The following ATP6V1G2 variants were observed in gnomAD, a reference collection of about 807,000 sequenced individuals.
ATP6V1G2 encodes ATPase H+ transporting V1 subunit G2.
ATP6V1G2 carries 14 observed loss-of-function variants against 17.8 expected under a neutral mutation model. That is an observed-to-expected ratio of 0.79 (90% CI 0.52 to 1.23). The LOEUF is 1.23. Ranked by LOEUF, ATP6V1G2 falls within the 50% of genes most tolerant of loss-of-function variation. ATP6V1G2 has a pLI of 0.00. For missense variants in ATP6V1G2, 112 were observed against 152.2 expected, an observed-to-expected ratio of 0.74 and a Z score of 1.39; for synonymous variants, 57 against 54.8, an observed-to-expected ratio of 1.04 and a Z score of -0.17.
At position 31,546,222 on chromosome 6, in the gene ATP6V1G2, G is replaced by C; in HGVS notation, c.83-13C>G. On this transcript the variant is annotated splice_polypyrimidine_tract_variant and intron_variant, in intron 1 of 2. Transcript: ENST00000303892. The surrounding 1 kb of genome is among the most constrained non-coding windows in gnomAD (Gnocchi z 4.1). The stretch of plus-strand genomic sequence containing the variant: ...CGCCGGGCCTTCCCTGGAGGCAGAA[G>C]AAAGGACAGTGAGTGGGGATGGACC... 3 of 1,612,492 alleles carry C rather than the reference G, an allele frequency of 1.9e-6. No individual in the cohort carries two copies. The highest frequency in any genetic ancestry group is 2.5e-6 in the Non-Finnish European group (3 of 1,178,946).
At position 31,545,482 on chromosome 6, in the gene ATP6V1G2, C is replaced by T. The variant is rs375698880; in HGVS notation, c.283G>A (p.Val95Ile). The T allele has an allele frequency of 1.9e-6, 3 of 1,613,936 alleles. No individual in the cohort carries two copies. The highest frequency in any genetic ancestry group is 2.5e-6 in the Non-Finnish European group (3 of 1,180,000). Reference protein sequence around the residue: ...QSSQQRNRERVLAQLLGMVCD... With the variant: ...QSSQQRNRERILAQLLGMVCD... ...ACCATGCCAAGAAGCTGGGCCAGGACACGCTCTCGGTTTCTCTGCTGGGAG... is the reference window on the plus strand; with the variant it reads ...ACCATGCCAAGAAGCTGGGCCAGGATACGCTCTCGGTTTCTCTGCTGGGAG... Residue 95 changes from valine (V) to isoleucine (I), a missense_variant, in exon 3 of 3, where the codon GTC becomes ATC. By Grantham distance (29) the Val-to-Ile change is conservative (BLOSUM62 3). Coordinates refer to ENST00000303892, the MANE Select transcript of ATP6V1G2 (RefSeq NM_130463.4). This position sits in a 1 kb window ranked among gnomAD's most constrained non-coding sequence, Gnocchi z 4.9.
rs1020751061 is a variant in ATP6V1G2, at chr6:31,544,908, A to G, written c.*500T>C. ...GTGGTAATAGTATCACAGGGTTGCT[A>G]CTTACTGAATCACTGCTACAACATG... On this transcript the variant is annotated 3_prime_UTR_variant, in exon 3 of 3. Coordinates refer to ENST00000303892, the MANE Select transcript of ATP6V1G2 (RefSeq NM_130463.4). The G allele has an allele frequency of 7.8e-6, 3 of 386,802 alleles. No individual in the cohort carries two copies. The highest frequency in any genetic ancestry group is 3.7e-4 in the Middle Eastern group (1 of 2,724). The allele number at this position is 386,802 out of a possible 1,614,324, so 24.0% of individuals were successfully genotyped here. A position where few individuals can be genotyped will look rare whatever the true frequency, so the allele number is the denominator to read the frequency against.
chr6:31,545,132 T>C lies in ATP6V1G2; in HGVS notation c.*276A>G. ...CGGCCAGACACTGAAGTCAGGATGT[T>C]TTCCACATTCCTACTTCCCCATATT... On this transcript the variant is annotated 3_prime_UTR_variant, in exon 3 of 3. Transcript: ENST00000303892. This position sits in a 1 kb window ranked among gnomAD's most constrained non-coding sequence, Gnocchi z 4.9. 1.8e-6 allele frequency: 1 copy of C among 550,822 alleles called. No homozygotes were observed. The highest frequency in any genetic ancestry group is 3.2e-6 in the Non-Finnish European group (1 of 311,530). 34.1% of individuals were successfully genotyped at this position (550,822 alleles called of 1,614,324 possible).
chr6:31,546,242 TGGA>T lies in ATP6V1G2; in HGVS notation c.83-36_83-34del. ...CAGAAGAAAGGACAGTGAGTGGGGA[TGGA>T]CCCACACACACACAATGTAATAGCA... On this transcript the variant is annotated intron_variant, in intron 1 of 2. Transcript: ENST00000303892. This position sits in a 1 kb window ranked among gnomAD's most constrained non-coding sequence, Gnocchi z 4.1. The T allele has an allele frequency of 6.4e-7, 1 of 1,567,768 alleles. No individual in the cohort carries two copies. The highest frequency in any genetic ancestry group is 8.8e-7 in the Non-Finnish European group (1 of 1,138,916).
In ATP6V1G2 at chr6:31,545,685, G is replaced by A; in HGVS notation, c.184-104C>T. ...ATCCTGAAACAAAGCCTAGAAGAAAGGCCCTCTCAGAAACCACCCCCATCC... is the reference window on the plus strand; with the variant it reads ...ATCCTGAAACAAAGCCTAGAAGAAAAGCCCTCTCAGAAACCACCCCCATCC... On this transcript the variant is annotated intron_variant, in intron 2 of 2. Coordinates refer to ENST00000303892, the MANE Select transcript of ATP6V1G2 (RefSeq NM_130463.4). This position sits in a 1 kb window ranked among gnomAD's most constrained non-coding sequence, Gnocchi z 4.9. 3.1e-6 allele frequency: 4 copies of A among 1,305,230 alleles called. No individual in the cohort carries two copies. The highest frequency in any genetic ancestry group is 4.1e-6 in the Non-Finnish European group (4 of 969,628). The allele number at this position is 1,305,230 out of a possible 1,614,324, so 80.9% of individuals were successfully genotyped here.
rs1768836588 is a variant in ATP6V1G2 at position 31,544,837 on chromosome 6, T to G, written c.*571A>C. 2 of 453,270 alleles carry G rather than the reference T, an allele frequency of 4.4e-6. No individual in the cohort carries two copies. The highest frequency in any genetic ancestry group is 4.8e-5 in the Admixed American group (2 of 41,794). 28.1% of individuals were successfully genotyped at this position (453,270 alleles called of 1,614,324 possible). A position where few individuals can be genotyped will look rare whatever the true frequency, so the allele number is the denominator to read the frequency against. On this transcript the variant is annotated 3_prime_UTR_variant, in exon 3 of 3. Transcript: ENST00000303892. ...ACAAGTGGAATTAGAGAGCCAGTGA[T>G]GGACGTGAGGAAACAGCTGTGTAGG... is the stretch of plus-strand genomic sequence containing the variant.
chr6:31,545,974 T>G lies in ATP6V1G2; in HGVS notation c.183+135A>C. On this transcript the variant is annotated intron_variant, in intron 2 of 2. Transcript: ENST00000303892. This position sits in a 1 kb window ranked among gnomAD's most constrained non-coding sequence, Gnocchi z 4.9. ...ATATCATCACAAAGTTTCACCAATG[T>G]TGTGGTCCCTGCCAGGGTCCCCTCA... 1.2e-6 allele frequency: 1 copy of G among 828,386 alleles called. No individual in the cohort carries two copies. Among genetic ancestry groups the G allele is most frequent in the Non-Finnish European group, 2.0e-6 (1 of 493,186 alleles). 51.3% of individuals were successfully genotyped at this position (828,386 alleles called of 1,614,324 possible). A position where few individuals can be genotyped will look rare whatever the true frequency, so the allele number is the denominator to read the frequency against.
Position 31,545,372 on chromosome 6 carries a change from G to T in ATP6V1G2, c.*36C>A. On this transcript the variant is annotated 3_prime_UTR_variant, in exon 3 of 3. Coordinates refer to ENST00000303892, the MANE Select transcript of ATP6V1G2 (RefSeq NM_130463.4). This position sits in a 1 kb window ranked among gnomAD's most constrained non-coding sequence, Gnocchi z 4.9. ...TTGATTGGAGGATTTCTTTGAGGGA[G>T]GGAACTGGCAGAAGGAGTCAGGCCC... 6.3e-7 allele frequency: 1 copy of T among 1,597,334 alleles called. No individual in the cohort carries two copies.
Position 31,545,214 on chromosome 6 carries a change from G to A in ATP6V1G2, c.*194C>T. Reference sequence around the variant, plus strand: ...ACTTGGAAGTTTACAAAGTCCCAGTGAGGGTTAAAGAACAACAAGGAGATT... The same window carrying A: ...ACTTGGAAGTTTACAAAGTCCCAGTAAGGGTTAAAGAACAACAAGGAGATT... On this transcript the variant is annotated 3_prime_UTR_variant, in exon 3 of 3. Coordinates refer to ENST00000303892, the MANE Select transcript of ATP6V1G2 (RefSeq NM_130463.4). The surrounding 1 kb of genome is among the most constrained non-coding windows in gnomAD (Gnocchi z 4.9). 2 of 687,948 alleles carry A rather than the reference G, an allele frequency of 2.9e-6. No individual in the cohort carries two copies. The highest frequency in any genetic ancestry group is 4.8e-6 in the Non-Finnish European group (2 of 417,578). The allele number at this position is 687,948 out of a possible 1,614,324, so 42.6% of individuals were successfully genotyped here.
At position 31,546,282 on chromosome 6, in the gene ATP6V1G2, C is replaced by T; in HGVS notation, c.83-73G>A. ...ACAATGTAATAGCAGGAGTCAGTCC[C>T]TTCCAGAAAGTTATACAGCCTTCTC... On this transcript the variant is annotated intron_variant, in intron 1 of 2. Transcript: ENST00000303892. The surrounding 1 kb of genome is among the most constrained non-coding windows in gnomAD (Gnocchi z 4.1). 1 of 1,470,166 alleles carries T rather than the reference C, an allele frequency of 6.8e-7. No homozygotes were observed. The highest frequency in any genetic ancestry group is 9.5e-7 in the Non-Finnish European group (1 of 1,054,268). 91.1% of individuals were successfully genotyped at this position (1,470,166 alleles called of 1,614,324 possible).
In ATP6V1G2 at chr6:31,545,605, A is replaced by T. The variant is rs766845005; in HGVS notation, c.184-24T>A. 2 of 1,609,368 alleles carry T rather than the reference A, an allele frequency of 1.2e-6. No homozygotes were observed. Among genetic ancestry groups the T allele is most frequent in the Non-Finnish European group, 1.7e-6 (2 of 1,178,008 alleles). ...GCCTGGGGGGTAGGGAGAGGGGTGGAAGAGAGAAAGGGAAAAGCAGAAACA... is the reference window on the plus strand; with the variant it reads ...GCCTGGGGGGTAGGGAGAGGGGTGGTAGAGAGAAAGGGAAAAGCAGAAACA... On this transcript the variant is annotated intron_variant, in intron 2 of 2. Coordinates refer to ENST00000303892, the MANE Select transcript of ATP6V1G2 (RefSeq NM_130463.4). This position sits in a 1 kb window ranked among gnomAD's most constrained non-coding sequence, Gnocchi z 4.9.
rs1562436942 is a variant in ATP6V1G2, at chr6:31,544,675, GGCTACAAAATGCAGT to G, written c.*718_*732del. The G allele has an allele frequency of 6.6e-6, 3 of 454,664 alleles. No individual in the cohort carries two copies. Among genetic ancestry groups the G allele is most frequent in the Non-Finnish European group, 8.8e-6 (2 of 226,356 alleles). 28.2% of individuals were successfully genotyped at this position (454,664 alleles called of 1,614,324 possible). The stretch of plus-strand genomic sequence containing the variant: ...GATCAGCAAAAGAAAAACAAAGAGA[GGCTACAAAATGCAGT>G]TATCTACCTGGAATTATAAGAGAGG... On this transcript the variant is annotated 3_prime_UTR_variant, in exon 3 of 3. Transcript: ENST00000303892.
Position 31,545,825 on chromosome 6 carries a change from C to G in ATP6V1G2, c.184-244G>C. ...ATCCCCACCACCTCACCATCCATGA[C>G]CATAAAACTCTACCCTCCACCACAA... On this transcript the variant is annotated intron_variant, in intron 2 of 2. Coordinates refer to ENST00000303892, the MANE Select transcript of ATP6V1G2 (RefSeq NM_130463.4). The surrounding 1 kb of genome is among the most constrained non-coding windows in gnomAD (Gnocchi z 4.9). 1.6e-6 allele frequency: 1 copy of G among 614,186 alleles called. No individual in the cohort carries two copies. Among genetic ancestry groups the G allele is most frequent in the Non-Finnish European group, 2.9e-6 (1 of 348,798 alleles). The allele number at this position is 614,186 out of a possible 1,614,324, so 38.0% of individuals were successfully genotyped here.
rs1768946297 is a variant in ATP6V1G2 at position 31,545,912 on chromosome 6, G to A, written c.183+197C>T. ...ACAGACTGTGGCATTCCGCCCACAA[G>A]CTCTATGTGGCCTTCAAAACTCCCA... On this transcript the variant is annotated intron_variant, in intron 2 of 2. Coordinates refer to ENST00000303892, the MANE Select transcript of ATP6V1G2 (RefSeq NM_130463.4). The surrounding 1 kb of genome is among the most constrained non-coding windows in gnomAD (Gnocchi z 4.9). The A allele has an allele frequency of 1.6e-6, 1 of 628,090 alleles. No individual in the cohort carries two copies. Among genetic ancestry groups the A allele is most frequent in the African/African-American group, 1.8e-5 (1 of 54,460 alleles). 38.9% of individuals were successfully genotyped at this position (628,090 alleles called of 1,614,324 possible).
Position 31,546,117 on chromosome 6 carries a change from G to C in ATP6V1G2, c.175C>G (p.Gln59Glu), listed in dbSNP as rs1267473375. 6.2e-7 allele frequency: 1 copy of C among 1,613,756 alleles called. No homozygotes were observed. Among genetic ancestry groups the C allele is most frequent in the Non-Finnish European group, 8.5e-7 (1 of 1,180,010 alleles). Residue 59 changes from glutamine to glutamate, a missense_variant, in exon 2 of 3, where the codon CAG becomes GAG. Transcript: ENST00000303892. The surrounding 1 kb of genome is among the most constrained non-coding windows in gnomAD (Gnocchi z 4.1). ...ACTCTGCCTCAACTCACCGCCTGCT[G>C]CTTGCTCTGGAATTCGTGCTCTCGC... ...REREHEFQSK[Q>E]QAAMGSQGNL... is the part of the protein sequence containing the mutation.
rs1768894591 is a variant in ATP6V1G2 at position 31,545,471 on chromosome 6, C to T, written c.294G>A (p.Gln98=). 9 of 1,614,086 alleles carry T rather than the reference C, an allele frequency of 5.6e-6. No homozygotes were observed. In the East Asian group the frequency reaches 2.0e-4, roughly 36 times the overall value. Reference sequence around the variant, plus strand: ...TGACGTCGCAGACCATGCCAAGAAGCTGGGCCAGGACACGCTCTCGGTTTC... The same window carrying T: ...TGACGTCGCAGACCATGCCAAGAAGTTGGGCCAGGACACGCTCTCGGTTTC... ...QQRNRERVLA[Q]LLGMVCDVRP... is the part of the protein sequence containing the mutation. Residue 98 remains glutamine, a synonymous_variant, in exon 3 of 3, where the codon CAG becomes CAA. Transcript: ENST00000303892. This position sits in a 1 kb window ranked among gnomAD's most constrained non-coding sequence, Gnocchi z 4.9.
rs577025832 is a variant in ATP6V1G2 at position 31,544,957 on chromosome 6, A to G, written c.*451T>C. Reference sequence around the variant, plus strand: ...TGCAAGGAACTGTGCTAGACTTTACAGAATGATTCCTAATCATTGAAGCAA... The same window carrying G: ...TGCAAGGAACTGTGCTAGACTTTACGGAATGATTCCTAATCATTGAAGCAA... On this transcript the variant is annotated 3_prime_UTR_variant, in exon 3 of 3. Coordinates refer to ENST00000303892, the MANE Select transcript of ATP6V1G2 (RefSeq NM_130463.4). 2.9e-6 allele frequency: 1 copy of G among 350,542 alleles called. No individual in the cohort carries two copies. The highest frequency in any genetic ancestry group is 2.1e-5 in the African/African-American group (1 of 47,068). The allele number at this position is 350,542 out of a possible 1,614,324, so 21.7% of individuals were successfully genotyped here.
rs1768895198 is a variant in ATP6V1G2 at position 31,545,477 on chromosome 6, C to T, written c.288G>A (p.Leu96=). 3 of 1,613,942 alleles carry T rather than the reference C, an allele frequency of 1.9e-6. No homozygotes were observed. The highest frequency in any genetic ancestry group is 1.7e-6 in the Non-Finnish European group (2 of 1,180,008). ...CGCAGACCATGCCAAGAAGCTGGGC[C>T]AGGACACGCTCTCGGTTTCTCTGCT... ...SSQQRNRERV[L]AQLLGMVCDV... Residue 96 remains leucine, a synonymous_variant, in exon 3 of 3, where the codon CTG becomes CTA. Coordinates refer to ENST00000303892, the MANE Select transcript of ATP6V1G2 (RefSeq NM_130463.4). The surrounding 1 kb of genome is among the most constrained non-coding windows in gnomAD (Gnocchi z 4.9).
In ATP6V1G2 at chr6:31,544,812, A is replaced by G. The variant is rs1178630299; in HGVS notation, c.*596T>C. On this transcript the variant is annotated 3_prime_UTR_variant, in exon 3 of 3. Transcript: ENST00000303892. ...GAAAATAACTAGGGTCACAGAATGA[A>G]CAAGTGGAATTAGAGAGCCAGTGAT... The G allele has an allele frequency of 2.2e-6, 1 of 455,602 alleles. No individual in the cohort carries two copies. The highest frequency in any genetic ancestry group is 2.0e-5 in the African/African-American group (1 of 49,978). The allele number at this position is 455,602 out of a possible 1,614,324, so 28.2% of individuals were successfully genotyped here.
Sources: gnomAD v4.1 joint callset for allele counts on GRCh38, gnomAD v4.1.1 for gene constraint, Gnocchi (gnomAD v3.1) non-coding constraint, MANE v1.5 for transcripts, NCBI Gene and HGNC (gene_info 2026-07-23, HGNC 2026-07-21) for gene names.